Variants in SORCS3 observed in about 807,000 individuals in gnomAD.
SORCS3 encodes VPS10 domain-containing receptor SorCS3.
A neutral mutation model predicts 146.3 loss-of-function variants in SORCS3; 57 were observed. The observed-to-expected ratio is 0.39, with a 90% CI of 0.31 to 0.49. The LOEUF (loss-of-function observed/expected upper bound fraction) is 0.49, where lower values mean the gene tolerates loss of function less well. Ranked by LOEUF, SORCS3 falls within the 20% of genes least tolerant of loss-of-function variation. SORCS3 has a pLI of 0.92. For missense variants in SORCS3, 1,341 were observed against 1,575.5 expected (o/e 0.85, Z 2.52); for synonymous variants, 653 against 618.5 (o/e 1.06, Z -0.83).
intron 4 of SORCS3, among the ~76,000 whole-genome samples, chr10:105,039,532 C>T (rs1192441461): frequency 6.9e-6 from 1 of 145,290 alleles, no homozygotes; most frequent in Non-Finnish European, 1.5e-5. Flanking sequence ...TCTTGGCTCA[C>T]TGCAGCCTCC....
At chr10:105,242,484 T>TTTA (rs1564793506) in intron 20 of SORCS3, among the ~76,000 whole-genome samples, 11 of 80,736 alleles carry the variant, frequency 1.4e-4, no homozygotes, top group African/African-American at 4.3e-4. Flanking sequence ...ATTTATATAT[T>TTTA]TATATATTTA....
intron 7 of SORCS3, among the ~76,000 whole-genome samples, chr10:105,125,146 G>T (rs534331129): frequency 6.6e-6 from 1 of 152,286 alleles, no homozygotes; most frequent in East Asian, 1.9e-4. Context: ...GAAGTTGATT[G>T]AATGTAGCTA....
At chr10:105,246,719 A>G in intron 21 of SORCS3, among the ~76,000 whole-genome samples, 1 of 152,242 alleles carries the variant, frequency 6.6e-6, no homozygotes, top group Admixed American at 6.5e-5. Flanking sequence ...GTTTAGTTTT[A>G]TGCATTACCA....
At chr10:104,935,270 G>T (rs1769547514) in intron 3 of SORCS3, among the ~76,000 whole-genome samples, 1 of 152,128 alleles carries the variant, frequency 6.6e-6, no homozygotes, top group South Asian at 2.1e-4. Flanking sequence ...AGGATTTCAG[G>T]CTCTGACCCA....
At chr10:104,896,328 T>C (rs1296420366) in intron 2 of SORCS3, among the ~76,000 whole-genome samples, 2 of 152,144 alleles carry the variant, frequency 1.3e-5, no homozygotes, top group Non-Finnish European at 2.9e-5. Flanking sequence ...TAATAAAGAA[T>C]CACAATATTT....
Position 105,164,283 on chromosome 10 carries a change from A to G in SORCS3, c.1733-20A>G, listed in dbSNP as rs2056293224. ...ATTGGTAAACTCCTGACAATCTCAA[A>G]TGATCTGCTTATGTTTCAGGCAACA... On this transcript the variant is annotated intron_variant, in intron 11 of 26. Transcript: ENST00000369701. The G allele has an allele frequency of 1.2e-6, 2 of 1,601,196 alleles. No homozygotes were observed. The highest frequency in any genetic ancestry group is 1.7e-5 in the Admixed American group (1 of 59,928).
intron 1 of SORCS3, among the ~76,000 whole-genome samples, chr10:104,654,582 G>C (rs2015601965): frequency 6.6e-6 from 1 of 152,136 alleles, no homozygotes; most frequent in African/African-American, 2.4e-5. Flanking sequence ...AAAGATTCTT[G>C]GCATGTCTAA....
intron 12 of SORCS3, 143 bp downstream of exon 12, chr10:105,164,522 G>A (rs1324429812): frequency 2.9e-6 from 2 of 691,348 alleles, no homozygotes; most frequent in Admixed American, 4.3e-5. Flanking sequence ...GGTCAATTTG[G>A]CTGGCAGGTT....
intron 5 of SORCS3, among the ~76,000 whole-genome samples, chr10:105,051,810 C>T (rs999806544): frequency 1.3e-5 from 2 of 152,074 alleles, no homozygotes; most frequent in Non-Finnish European, 2.9e-5. Context: ...TAATTCAGCT[C>T]TCCTTTACAT....
At chr10:104,799,282 T>G (rs1589503581) in intron 1 of SORCS3, among the ~76,000 whole-genome samples, 1 of 152,228 alleles carries the variant, frequency 6.6e-6, no homozygotes, top group East Asian at 1.9e-4. Context: ...TAACAAAGAC[T>G]TGGAACCAAC....
intron 5 of SORCS3, among the ~76,000 whole-genome samples, chr10:105,045,042 G>GAAAGAAAGA (rs1170058024): frequency 3.3e-5 from 4 of 119,806 alleles, no homozygotes; most frequent in African/African-American, 1.1e-4. Flanking sequence ...AAAAAAAAAA[G>GAAAGAAAGA]AAAGAAAGAA....
chr10:105,178,342 A>G (rs960920239), intron 14 of SORCS3, among the ~76,000 whole-genome samples, 169 bp downstream of exon 14: 1 of 152,190 alleles, frequency 6.6e-6, no homozygotes, highest in African/African-American at 2.4e-5. Flanking sequence ...TACAAACTCA[A>G]AAAGCTACTG....
intron 4 of SORCS3, among the ~76,000 whole-genome samples, chr10:104,993,868 C>T (rs947593400): frequency 3.3e-5 from 5 of 152,148 alleles, no homozygotes; most frequent in African/African-American, 1.2e-4. Context: ...AAAGTATGCC[C>T]CAACATTTGT....
intron 4 of SORCS3, among the ~76,000 whole-genome samples, chr10:104,999,251 C>G (rs1238508495): frequency 1.3e-5 from 2 of 152,000 alleles, no homozygotes. Flanking sequence ...TTTTTCTTAA[C>G]TGGTTCATAC....
chr10:104,782,377 C>T (rs1011411794), intron 1 of SORCS3, among the ~76,000 whole-genome samples: 3 of 152,104 alleles, frequency 2.0e-5, no homozygotes, highest in Non-Finnish European at 4.4e-5. Flanking sequence ...GGGCAGTGGT[C>T]TGCCCTTTGT....
intron 17 of SORCS3, 40 bp downstream of exon 17, chr10:105,211,290 C>T: frequency 7.1e-7 from 1 of 1,412,638 alleles, no homozygotes; most frequent in African/African-American, 1.4e-5. Context: ...CCCTGTTTTC[C>T]TGTTTCTCTA....
chr10:105,149,240 C>T (rs1280845985), intron 9 of SORCS3, among the ~76,000 whole-genome samples: 1 of 152,094 alleles, frequency 6.6e-6, no homozygotes, highest in Non-Finnish European at 1.5e-5. Context: ...TGCACCTGTT[C>T]TGTTAGGCAG....
At chr10:104,676,077 A>G (rs2015909957) in intron 1 of SORCS3, among the ~76,000 whole-genome samples, 1 of 152,192 alleles carries the variant, frequency 6.6e-6, no homozygotes, top group Non-Finnish European at 1.5e-5. Context: ...CTTAAGTGGG[A>G]ATTTAAAATT....
rs1244477330 is a variant in SORCS3 at position 105,252,071 on chromosome 10, C to T, written c.3106-704C>T. 1.3e-5 allele frequency among the ~76,000 whole-genome samples: 2 copies of T among 152,014 alleles called. 1 individual carries two copies. The highest frequency in any genetic ancestry group is 4.2e-4 in the South Asian group (2 of 4,816). ...TATTTTTTTGAATACTGGAGGTTTT[C>T]CCCTTTATTTACTATTATAAGTAAT... On this transcript the variant is annotated intron_variant, in intron 22 of 26. Coordinates refer to ENST00000369701, the MANE Select transcript of SORCS3 (RefSeq NM_014978.3).
Sources: gnomAD v4.1 joint callset for allele counts (sites outside exome capture counted in the v4.1 genomes callset) on GRCh38, gnomAD v4.1.1 for gene constraint, MANE v1.5 for transcripts, NCBI Gene and HGNC (gene_info 2026-07-23, HGNC 2026-07-21) for gene names.